Variants in TUSC3 observed in about 807,000 individuals in gnomAD.
TUSC3 encodes tumor suppressor candidate 3, also known as dolichyl-diphosphooligosaccharide--protein glycosyltransferase subunit TUSC3.
Under a neutral mutation model 44.8 loss-of-function variants are expected in TUSC3, and 45 were observed. The observed-to-expected ratio is 1.00, with a 90% CI of 0.79 to 1.29. The LOEUF (loss-of-function observed/expected upper bound fraction) is 1.29, where lower values mean the gene tolerates loss of function less well. Ranked by LOEUF, TUSC3 falls within the 50% of genes most tolerant of loss-of-function variation. TUSC3 has a pLI of 0.00. For synonymous variants in TUSC3, 212 were observed against 152.9 expected (o/e 1.39, Z -2.85); for missense variants, 519 against 437.9 (o/e 1.19, Z -1.65).
Position 15,749,480 on chromosome 8 carries a change from CT to C in TUSC3, c.1028+1017del, listed in dbSNP as rs1317125418. ...TGGCCAGAGGTACATTTCCAATTCT[CT>C]TCTTCCCACACCCATTAAAAATAAA... On this transcript the variant is annotated intron_variant, in intron 9 of 10. Coordinates refer to ENST00000503731, the MANE Select transcript of TUSC3 (RefSeq NM_006765.4). Among the ~76,000 whole-genome samples, 7 of 152,182 alleles carry C rather than the reference CT, an allele frequency of 4.6e-5. 1 individual carries two copies. The highest frequency in any genetic ancestry group is 3.4e-3 in the Middle Eastern group (1 of 294).
At chr8:15,553,231 A>AC (rs1217683393) in intron 1 of TUSC3, among the ~76,000 whole-genome samples, 1 of 151,732 alleles carries the variant, frequency 6.6e-6, no homozygotes, top group African/African-American at 2.4e-5. Flanking sequence ...TAGACTTGAA[A>AC]ATCATTCGCC....
rs185668331 is a variant in TUSC3 at position 15,684,227 on chromosome 8, A to T, written c.798+10391A>T. On this transcript the variant is annotated intron_variant, in intron 6 of 10. Coordinates refer to ENST00000503731, the MANE Select transcript of TUSC3 (RefSeq NM_006765.4). ...CAGGGGTGGGTGGGGGGCAGGCTCT[A>T]ATGGGCTGTGCTTCTGCCTCCCATA... Among the ~76,000 whole-genome samples, 168 of 152,112 alleles carry T rather than the reference A, an allele frequency of 1.1e-3. 2 individuals are homozygous for T. Among genetic ancestry groups the T allele is most frequent in the East Asian group, 6.2e-3 (32 of 5,132 alleles).
chr8:15,815,116 A>G, the TUSC3 span, among the ~76,000 whole-genome samples: 1 of 152,338 alleles, frequency 6.6e-6, no homozygotes, highest in South Asian at 2.1e-4. Flanking sequence ...GTAGTGTAAT[A>G]AAATGTATTA....
chr8:15,584,751 C>T (rs997847798), intron 1 of TUSC3, among the ~76,000 whole-genome samples: 1 of 152,030 alleles, frequency 6.6e-6, no homozygotes, highest in Non-Finnish European at 1.5e-5. Context: ...GTAGTGAGAA[C>T]AGGATTCATT....
chr8:15,850,329 A>C, the TUSC3 span, among the ~76,000 whole-genome samples: 3 of 152,048 alleles, frequency 2.0e-5, no homozygotes, highest in Non-Finnish European at 2.9e-5. Flanking sequence ...GTTCTCAGTA[A>C]ATCTTCCCAT....
intron 1 of TUSC3, among the ~76,000 whole-genome samples, chr8:15,478,532 G>A (rs887694118): frequency 2.0e-5 from 3 of 152,066 alleles, no homozygotes; most frequent in Admixed American, 2.0e-4. Context: ...GCAATGTTTG[G>A]TTTTCTGTTC....
At chr8:15,781,430 A>G in the TUSC3 span, among the ~76,000 whole-genome samples, 1 of 152,330 alleles carries the variant, frequency 6.6e-6, no homozygotes, top group Non-Finnish European at 1.5e-5. Flanking sequence ...ACACTGAGAT[A>G]TAACACAATT....
At chr8:15,579,147 G>C (rs903033304) in intron 1 of TUSC3, among the ~76,000 whole-genome samples, 2 of 151,548 alleles carry the variant, frequency 1.3e-5, no homozygotes, top group African/African-American at 4.8e-5. Context: ...GTATTTCTGT[G>C]GGATTGGTGG....
intron 2 of TUSC3, among the ~76,000 whole-genome samples, chr8:15,496,020 T>C (rs1347347198): frequency 6.6e-6 from 1 of 152,166 alleles, no homozygotes; most frequent in Non-Finnish European, 1.5e-5. Context: ...GCCTCTACTG[T>C]TCCAGAATCC....
At chr8:15,685,620 A>G (rs10086760) in intron 6 of TUSC3, among the ~76,000 whole-genome samples, 3,015 of 152,194 alleles carry the variant, frequency 0.02, 94 homozygotes, top group African/African-American at 0.068. Flanking sequence ...CCTCTGGGCT[A>G]TTTATTTCTA....
chr8:15,778,834 T>C, the TUSC3 span, among the ~76,000 whole-genome samples: 1 of 152,182 alleles, frequency 6.6e-6, no homozygotes, highest in African/African-American at 2.4e-5. Context: ...CAAGAAACTC[T>C]TTATGCAAAT....
At chr8:15,613,064 G>GATATATATATATATATAT (rs34594440) in intron 1 of TUSC3, among the ~76,000 whole-genome samples, 57 of 144,550 alleles carry the variant, frequency 3.9e-4, no homozygotes, top group African/African-American at 1.3e-3. Context: ...TTATATATAT[G>GATATATATATATATATAT]ATATATATAT....
chr8:15,723,679 C>A (rs1563191036), intron 6 of TUSC3, among the ~76,000 whole-genome samples: 2 of 152,082 alleles, frequency 1.3e-5, no homozygotes, highest in Non-Finnish European at 2.9e-5. Flanking sequence ...TAGTAGGAAA[C>A]AGAGGAATCT....
chr8:15,435,859 T>C (rs1460257689), intron 1 of TUSC3, among the ~76,000 whole-genome samples: 1 of 152,222 alleles, frequency 6.6e-6, no homozygotes, highest in Non-Finnish European at 1.5e-5. Context: ...GTATTTTCTA[T>C]CTTTGTAACA....
chr8:15,501,351 C>G (rs1209912511), intron 2 of TUSC3, among the ~76,000 whole-genome samples: 1 of 152,136 alleles, frequency 6.6e-6, no homozygotes, highest in Non-Finnish European at 1.5e-5. Context: ...ATCAATTGTC[C>G]TGTCTTTGAT....
intron 1 of TUSC3, among the ~76,000 whole-genome samples, chr8:15,592,431 C>T (rs1459158183): frequency 6.6e-6 from 1 of 152,138 alleles, no homozygotes; most frequent in African/African-American, 2.4e-5. Context: ...GTGTTTGGGT[C>T]ATGGTGGTGG....
intron 1 of TUSC3, among the ~76,000 whole-genome samples, chr8:15,473,986 A>T (rs570878769): frequency 2.6e-5 from 4 of 152,274 alleles, no homozygotes; most frequent in South Asian, 2.1e-4. Flanking sequence ...TTTGGTCCTT[A>T]TCTCAACCAC....
At chr8:15,707,235 G>T (rs144968412) in intron 6 of TUSC3, among the ~76,000 whole-genome samples, 1 of 152,058 alleles carries the variant, frequency 6.6e-6, no homozygotes, top group East Asian at 1.9e-4. Flanking sequence ...CTTATGCCAA[G>T]CTATTCTCAG....
chr8:15,629,571 C>G (rs1185152443), intron 2 of TUSC3, among the ~76,000 whole-genome samples: 1 of 67,406 alleles, frequency 1.5e-5, no homozygotes, highest in South Asian at 4.7e-4. Flanking sequence ...TTTTTTTTTT[C>G]ACGTGAATTA....
Sources: allele counts gnomAD v4.1 joint callset (sites outside exome capture counted in the v4.1 genomes callset), GRCh38; gene constraint gnomAD v4.1.1; transcripts MANE v1.5; gene names NCBI Gene and HGNC (gene_info 2026-07-23, HGNC 2026-07-21).